Variants in ATP13A3 observed in about 807,000 individuals in gnomAD.
The protein encoded by ATP13A3 is polyamine-transporting ATPase 13A3.
Under a neutral mutation model 158.1 loss-of-function variants are expected in ATP13A3, and 59 were observed. The ratio of observed to expected loss-of-function variants is 0.37; its 90% CI spans 0.30 to 0.46. The LOEUF (loss-of-function observed/expected upper bound fraction) is 0.46, where lower values mean the gene tolerates loss of function less well. ATP13A3 is among the 20% of genes least tolerant of loss of function. ATP13A3 has a pLI of 1.00. For synonymous variants in ATP13A3, 491 were observed against 504.3 expected (o/e 0.97, Z 0.35); for missense variants, 1,166 against 1,525.2 (o/e 0.76, Z 3.92).
chr3:194,421,128 ATATATATAG>A (rs1716279667), intron 30 of ATP13A3, among the ~76,000 whole-genome samples: 4 of 58,708 alleles, frequency 6.8e-5, no homozygotes, highest in Non-Finnish European at 8.0e-5. Context: ...ATATATATAT[ATATATATAG>A]TATATATATA....
chr3:194,475,132 A>G (rs1244964741), intron 2 of ATP13A3, among the ~76,000 whole-genome samples: 1 of 152,134 alleles, frequency 6.6e-6, no homozygotes, highest in Non-Finnish European at 1.5e-5. Flanking sequence ...AGTGGAAGAA[A>G]ATTTTCCAGA....
intron 31 of ATP13A3, among the ~76,000 whole-genome samples, chr3:194,419,498 A>G (rs1381795197): frequency 6.6e-6 from 1 of 152,174 alleles, no homozygotes; most frequent in Non-Finnish European, 1.5e-5. Context: ...CAAGTATTTC[A>G]TTACTCAGAA....
At position 194,413,247 on chromosome 3, in the gene ATP13A3, A is replaced by G. The variant is rs12634415; in HGVS notation, c.3483+512T>C. Among the ~76,000 whole-genome samples, 4,219 of 152,262 alleles carry G rather than the reference A, an allele frequency of 0.028. 568 individuals carry two copies. In the East Asian group the frequency reaches 0.44, roughly 16 times the overall value. On this transcript the variant is annotated intron_variant, in intron 32 of 33. Transcript: ENST00000645319. ...CTCTAGAGGTCACTCAAAAGCAAAT[A>G]CCAAGGAGGATGTTCCAGTAATCAA...
Position 194,454,128 on chromosome 3 carries a change from C to CAT in ATP13A3, c.765+128_765+129dup, listed in dbSNP as rs1719024814. The CAT allele has an allele frequency of 3.2e-6, 3 of 950,580 alleles. No homozygotes were observed. The South Asian group carries it at 5.2e-5, about 16-fold the overall frequency. The allele number at this position is 950,580 out of a possible 1,614,324, so 58.9% of individuals were successfully genotyped here. A position where few individuals can be genotyped will look rare whatever the true frequency, so the allele number is the denominator to read the frequency against. On this transcript the variant is annotated intron_variant, in intron 9 of 33. Transcript: ENST00000645319. ...AAACAAAAAGGGAGGGGAGAAGGAG[C>CAT]ATATATTCATGCAACTAAAATAATG...
At chr3:194,450,373 A>T in intron 10 of ATP13A3, 97 bp from the exon 11 acceptor site, 1 of 1,217,240 alleles carries the variant, frequency 8.2e-7, no homozygotes, top group Non-Finnish European at 1.1e-6. Context: ...TCTCAATAAG[A>T]AGTTTATAAT....
chr3:194,457,060 TGAG>T, intron 7 of ATP13A3, 31 bp downstream of exon 7: 1 of 1,526,950 alleles, frequency 6.5e-7, no homozygotes, highest in South Asian at 1.1e-5. Context: ...TTAGGAATTT[TGAG>T]AAGATCTAAC....
upstream of ATP13A3, among the ~76,000 whole-genome samples, chr3:194,490,318 G>A (rs768579171): frequency 6.6e-6 from 1 of 152,146 alleles, no homozygotes; most frequent in Non-Finnish European, 1.5e-5. The surrounding 1 kb of genome is among the most constrained non-coding windows in gnomAD (Gnocchi z 4.4). Context: ...CCACTGTTAG[G>A]CCAACTCCAG....
At chr3:194,475,527 A>C (rs1181221438) in intron 2 of ATP13A3, among the ~76,000 whole-genome samples, 4 of 152,178 alleles carry the variant, frequency 2.6e-5, no homozygotes, top group African/African-American at 9.7e-5. Context: ...AAACCTACCC[A>C]CGCTAACCCA....
rs1719036833 is a variant in ATP13A3 at position 194,454,275 on chromosome 3, G to C, written c.748C>G (p.Leu250Val). Residue 250 changes from leucine to valine, a missense_variant, in exon 9 of 34, where the codon CTA becomes GTA. By Grantham distance (32) the Leu-to-Val change is conservative. This residue lies in a region of ATP13A3 where 997 missense variants were observed against 1,341.2 expected (regional missense o/e 0.74). Coordinates refer to ENST00000645319, the MANE Select transcript of ATP13A3 (RefSeq NM_001367549.1). ...VMSIVSIVSS[L>V]YSIRKQYVML... ...GAACTTACCTTTCTAATGGAATATA[G>C]TGAGCTTACGATTGATACTATGGAC... 6.2e-7 allele frequency: 1 copy of C among 1,604,786 alleles called. No homozygotes were observed. The highest frequency in any genetic ancestry group is 1.3e-5 in the African/African-American group (1 of 74,568).
chr3:194,471,342 A>G (rs868835927), intron 2 of ATP13A3, among the ~76,000 whole-genome samples: 14 of 151,176 alleles, frequency 9.3e-5, no homozygotes, highest in African/African-American at 1.5e-4. Flanking sequence ...AAAAAAAAAA[A>G]AAAAAGAAAA....
intron 32 of ATP13A3, 85 bp from the exon 33 acceptor site, chr3:194,412,373 C>A: frequency 1.0e-6 from 1 of 994,962 alleles, no homozygotes; most frequent in Admixed American, 2.0e-5. Flanking sequence ...ATCACACATG[C>A]TGCATAATTG....
At chr3:194,431,306 A>G (rs957777669) in intron 22 of ATP13A3, 80 bp from the exon 23 acceptor site, 19 of 1,431,196 alleles carry the variant, frequency 1.3e-5, no homozygotes. Context: ...TATTTGTTCT[A>G]AAACTGAATT....
intron 10 of ATP13A3, among the ~76,000 whole-genome samples, chr3:194,453,318 T>G (rs1577071059): frequency 1.4e-5 from 2 of 142,528 alleles, no homozygotes; most frequent in Non-Finnish European, 1.5e-5. Context: ...GGGTGCACAG[T>G]GCAGTGGCTC....
intron 2 of ATP13A3, among the ~76,000 whole-genome samples, chr3:194,492,771 C>T (rs1420163939): frequency 6.6e-6 from 1 of 152,168 alleles, no homozygotes; most frequent in East Asian, 1.9e-4. Context: ...TACTTTAAAT[C>T]ATCTCTAGAT....
chr3:194,410,322 A>AC (rs1560066773), intron 33 of ATP13A3, among the ~76,000 whole-genome samples: 26 of 137,810 alleles, frequency 1.9e-4, no homozygotes, highest in African/African-American at 8.1e-4. Flanking sequence ...AAAAAAAAAA[A>AC]AAAAAAAAAC....
intron 8 of ATP13A3, 70 bp from the exon 9 acceptor site, chr3:194,454,462 T>C: frequency 7.0e-7 from 1 of 1,429,952 alleles, no homozygotes. Flanking sequence ...CATCTTTTCA[T>C]TTGACAAACA....
chr3:194,474,514 C>T (rs1006344835), intron 2 of ATP13A3, among the ~76,000 whole-genome samples: 7 of 152,174 alleles, frequency 4.6e-5, no homozygotes, highest in Admixed American at 3.9e-4. Context: ...GTTTCAATAA[C>T]AGCTTGTGTA....
chr3:194,441,760 T>C (rs1577060474), intron 15 of ATP13A3, among the ~76,000 whole-genome samples: 2 of 152,080 alleles, frequency 1.3e-5, no homozygotes, highest in African/African-American at 4.8e-5. Flanking sequence ...CCATGCAAAG[T>C]GGGTAGCTGG....
rs962750517 is a variant in ATP13A3, at chr3:194,403,615, C to A, written c.*2304G>T. On this transcript the variant is annotated 3_prime_UTR_variant, in exon 34 of 34. Transcript: ENST00000645319. ...TTAATACATCAAAATAATATATGTACAGATTTTAAAATTTAGGTCTGTATA... is the reference window on the plus strand; with the variant it reads ...TTAATACATCAAAATAATATATGTAAAGATTTTAAAATTTAGGTCTGTATA... 1 of 152,314 alleles carries A rather than the reference C, an allele frequency of 6.6e-6. No individual in the cohort carries two copies. Among genetic ancestry groups the A allele is most frequent in the East Asian group, 1.9e-4 (1 of 5,186 alleles). The allele number at this position is 152,314 out of a possible 1,614,324, so 9.4% of individuals were successfully genotyped here. A position where few individuals can be genotyped will look rare whatever the true frequency, so the allele number is the denominator to read the frequency against.
Sources: gnomAD v4.1 joint callset for allele counts (sites outside exome capture counted in the v4.1 genomes callset) on GRCh38, gnomAD v4.1.1 for gene constraint, gnomAD v4.1.1 regional missense constraint, Gnocchi (gnomAD v3.1) non-coding constraint, MANE v1.5 for transcripts, NCBI Gene and HGNC (gene_info 2026-07-23, HGNC 2026-07-21) for gene names.